IGDCC3: variants seen among roughly 807,000 people sequenced by gnomAD.
IGDCC3 encodes immunoglobulin superfamily DCC subclass member 3.
A neutral mutation model predicts 72.0 loss-of-function variants in IGDCC3; 47 were observed. The observed-to-expected ratio is 0.65, with a 90% CI of 0.52 to 0.83. The LOEUF (loss-of-function observed/expected upper bound fraction) is 0.83, where lower values mean the gene tolerates loss of function less well. IGDCC3 is among the 40% of genes least tolerant of loss of function. IGDCC3 has a pLI of 0.00. For synonymous variants in IGDCC3, 477 were observed against 472.8 expected (o/e 1.01, Z -0.11); for missense variants, 1,038 against 1,091.3 (o/e 0.95, Z 0.69).
At chr15:65,338,310 G>C (rs1003148620) in intron 2 of IGDCC3, among the ~76,000 whole-genome samples, 2 of 152,332 alleles carry the variant, frequency 1.3e-5, no homozygotes, top group Admixed American at 6.5e-5. Context: ...CATTTAATTT[G>C]AAGGGTAGCT....
chr15:65,348,438 G>T (rs561714677), intron 2 of IGDCC3, among the ~76,000 whole-genome samples: 1 of 152,236 alleles, frequency 6.6e-6, no homozygotes, highest in East Asian at 1.9e-4. Flanking sequence ...CTACCTTTGG[G>T]TAAGTGTTGG....
In IGDCC3 at chr15:65,333,433, G is replaced by A. The variant is rs766381756; in HGVS notation, c.824-18C>T. On this transcript the variant is annotated intron_variant, in intron 5 of 13. Coordinates refer to ENST00000327987, the MANE Select transcript of IGDCC3 (RefSeq NM_004884.4). ...GCGACCATCTGCAGAGGAAGGGGAG[G>A]GGGGATGGGTGAGGGTCAGATAGAG... The A allele has an allele frequency of 1.5e-5, 24 of 1,583,030 alleles. No homozygotes were observed. Among genetic ancestry groups the A allele is most frequent in the Non-Finnish European group, 2.1e-5 (24 of 1,164,386 alleles).
At chr15:65,330,858 G>T in intron 9 of IGDCC3, 117 bp from the exon 10 acceptor site, 1 of 1,094,678 alleles carries the variant, frequency 9.1e-7, no homozygotes, top group Non-Finnish European at 1.3e-6. Context: ...CTGGCCAAGG[G>T]CATGTGCTTA....
intron 2 of IGDCC3, among the ~76,000 whole-genome samples, chr15:65,344,814 T>C (rs953609232): frequency 6.6e-6 from 1 of 152,138 alleles, no homozygotes; most frequent in Non-Finnish European, 1.5e-5. Context: ...GGGTGTGAAG[T>C]GTGCCTGGGG....
At position 65,329,446 on chromosome 15, in the gene IGDCC3, G is replaced by T; in HGVS notation, c.2149C>A (p.Leu717Met). 6.2e-7 allele frequency: 1 copy of T among 1,609,206 alleles called. No individual in the cohort carries two copies. The stretch of plus-strand genomic sequence containing the variant: ...CTGGCCGGGGGGAACAGCTGCTCCA[G>T]CTCCTTCATATCCACACGTTTCTCG... ...RDEKRVDMKE[L>M]EQLFPPASAA... The change falls in exon 13 of 14, where the codon CTG becomes ATG. Residue 717 changes from leucine (L) to methionine (M), a missense_variant. Coordinates refer to ENST00000327987, the MANE Select transcript of IGDCC3 (RefSeq NM_004884.4). This position sits in a 1 kb window ranked among gnomAD's most constrained non-coding sequence, Gnocchi z 4.1.
chr15:65,368,396 G>A (rs1440773776), intron 2 of IGDCC3, among the ~76,000 whole-genome samples: 1 of 152,186 alleles, frequency 6.6e-6, no homozygotes, highest in Non-Finnish European at 1.5e-5. Flanking sequence ...CCTGGCCGCT[G>A]ACAATGCCAG....
chr15:65,328,580 T>G lies in IGDCC3; in HGVS notation c.*329A>C. The G allele has an allele frequency of 4.3e-6, 1 of 235,056 alleles. No homozygotes were observed. Among genetic ancestry groups the G allele is most frequent in the Non-Finnish European group, 8.1e-6 (1 of 123,116 alleles). 14.6% of individuals were successfully genotyped at this position (235,056 alleles called of 1,614,324 possible). On this transcript the variant is annotated 3_prime_UTR_variant, in exon 14 of 14. Transcript: ENST00000327987. ...AGTCTAATTCACCTTCCTCTATCTC[T>G]CTCCTCTTTTTTTTTTTTTTTAAGT...
chr15:65,356,584 G>A (rs970413322), intron 2 of IGDCC3, among the ~76,000 whole-genome samples: 7 of 119,480 alleles, frequency 5.9e-5, no homozygotes, highest in African/African-American at 2.0e-4. Context: ...GGTGCAGATG[G>A]ACAAGCCGAT....
At chr15:65,376,615 C>A (rs1010559676) in intron 1 of IGDCC3, among the ~76,000 whole-genome samples, 4 of 151,678 alleles carry the variant, frequency 2.6e-5, no homozygotes, top group African/African-American at 7.3e-5. Context: ...GCGCCCCCCT[C>A]CCCCCGTCCC....
chr15:65,353,239 C>T (rs1180932781), intron 2 of IGDCC3, among the ~76,000 whole-genome samples: 2 of 146,286 alleles, frequency 1.4e-5, no homozygotes, highest in Non-Finnish European at 3.0e-5. Context: ...CCCTCCCTCC[C>T]TCCTTCCTTC....
intron 2 of IGDCC3, among the ~76,000 whole-genome samples, chr15:65,365,008 G>A (rs531370142): frequency 9.8e-5 from 15 of 152,310 alleles, no homozygotes; most frequent in African/African-American, 3.6e-4. Flanking sequence ...CCAGGGTTCA[G>A]AAGCCTGATA....
intron 2 of IGDCC3, among the ~76,000 whole-genome samples, chr15:65,336,697 GAACT>G (rs1349599312): frequency 1.3e-5 from 2 of 152,082 alleles, no homozygotes; most frequent in Admixed American, 1.3e-4. Context: ...TTGGGGATCT[GAACT>G]AACTGCTTGA....
In IGDCC3 at chr15:65,333,337, T is replaced by G. The variant is rs1595750461; in HGVS notation, c.902A>C (p.His301Pro). ...NLIISDVTVQ[H>P]SGVYVCAANR... ...GGCTGCACAGACGTAGACGCCAGAG[T>G]GCTGGACCGTCACGTCTGAGATGAT... The change falls in exon 6 of 14, where the codon CAC (histidine) becomes CCC (proline). Residue 301 changes from histidine to proline, a missense_variant. His to Pro is a moderately conservative substitution (Grantham distance 77). Transcript: ENST00000327987. 1 of 1,612,990 alleles carries G rather than the reference T, an allele frequency of 6.2e-7. No individual in the cohort carries two copies. The highest frequency in any genetic ancestry group is 8.5e-7 in the Non-Finnish European group (1 of 1,179,564).
At chr15:65,356,848 CTTTTTTT>C (rs766472764) in intron 2 of IGDCC3, among the ~76,000 whole-genome samples, 1 of 70,898 alleles carries the variant, frequency 1.4e-5, no homozygotes, top group African/African-American at 6.7e-5. Context: ...AATGGACCTG[CTTTTTTT>C]TTTTTTTTTT....
In IGDCC3 at chr15:65,375,192, G is replaced by A. The variant is rs146967240; in HGVS notation, c.314C>T (p.Pro105Leu). ...ACCTTCATCCGAAGGGCTGCCTCCC[G>A]GCTCCAGCCTGAAGTGACGGATCAT... is the stretch of plus-strand genomic sequence containing the variant. ...SLMIRHFRLEPGGSPSDEGDY... is the reference protein window; with the variant it reads ...SLMIRHFRLELGGSPSDEGDY... Residue 105 changes from proline (P) to leucine (L), a missense_variant, in exon 2 of 14, where the codon CCG (proline) becomes CTG (leucine). Coordinates refer to ENST00000327987, the MANE Select transcript of IGDCC3 (RefSeq NM_004884.4). 177 of 1,614,214 alleles carry A rather than the reference G, an allele frequency of 1.1e-4. 1 individual carries two copies. In the East Asian group the frequency reaches 2.9e-3, roughly 27 times the overall value.
chr15:65,338,014 GC>G (rs1377596414), intron 2 of IGDCC3, among the ~76,000 whole-genome samples: 1 of 152,230 alleles, frequency 6.6e-6, no homozygotes, highest in Non-Finnish European at 1.5e-5. Flanking sequence ...GGAAAGGGCT[GC>G]CTCTTATCAG....
chr15:65,334,552 G>A, intron 5 of IGDCC3, 176 bp downstream of exon 5: 1 of 620,188 alleles, frequency 1.6e-6, no homozygotes, highest in Non-Finnish European at 2.6e-6. Flanking sequence ...GGGCCTCCCT[G>A]GTCCTTCCAG....
intron 2 of IGDCC3, among the ~76,000 whole-genome samples, chr15:65,341,871 T>G (rs1248633110): frequency 6.6e-6 from 1 of 152,178 alleles, no homozygotes; most frequent in East Asian, 1.9e-4. Context: ...CCTCCCAGGT[T>G]CAAGCGATTC....
chr15:65,368,172 A>G (rs1224806974), intron 2 of IGDCC3, among the ~76,000 whole-genome samples: 1 of 149,962 alleles, frequency 6.7e-6, no homozygotes, highest in South Asian at 2.1e-4. Flanking sequence ...ACACACACAC[A>G]CACACACACA....
Sources: gnomAD v4.1 joint callset for allele counts (sites outside exome capture counted in the v4.1 genomes callset) on GRCh38, gnomAD v4.1.1 for gene constraint, Gnocchi (gnomAD v3.1) non-coding constraint, MANE v1.5 for transcripts, NCBI Gene and HGNC (gene_info 2026-07-23, HGNC 2026-07-21) for gene names.